Variants in EMSY observed in about 807,000 individuals in gnomAD.
EMSY encodes BRCA2-interacting transcriptional repressor EMSY.
EMSY carries 26 observed loss-of-function variants against 134.6 expected under a neutral mutation model. That is an observed-to-expected ratio of 0.19 (90% CI 0.14 to 0.27). The LOEUF (loss-of-function observed/expected upper bound fraction) is 0.27, where lower values mean the gene tolerates loss of function less well. Among genes scored for constraint, EMSY ranks in the 10% least tolerant of loss-of-function variants. The pLI, the probability that EMSY is intolerant of heterozygous loss-of-function variation, is 1.00. For missense variants in EMSY, 1,305 were observed against 1,611.4 expected (o/e 0.81, Z 3.26); for synonymous variants, 579 against 577.8 (o/e 1.00, Z -0.03).
At chr11:76,542,011 T>C (rs911393748) in intron 17 of EMSY, 2 of 633,794 alleles carry the variant, frequency 3.2e-6, no homozygotes, top group East Asian at 2.7e-5. Context: ...ATTTTGCAGA[T>C]GAGGAAACAG....
intron 9 of EMSY, among the ~76,000 whole-genome samples, chr11:76,504,200 A>C (rs1027902025): frequency 2.6e-5 from 4 of 151,856 alleles, no homozygotes; most frequent in African/African-American, 9.6e-5. Context: ...CATTCCCACC[A>C]GCAAATATAA....
At chr11:76,542,753 G>GTTTTTTTT (rs1555077830) in intron 18 of EMSY, among the ~76,000 whole-genome samples, 12 of 109,216 alleles carry the variant, frequency 1.1e-4, no homozygotes, top group East Asian at 2.7e-4. Flanking sequence ...TTCGTTTTTT[G>GTTTTTTTT]TTTTTTTTTT....
exon 8 of EMSY, chr11:76,472,640 T>G (rs1948619214): frequency 6.2e-7 from 1 of 1,614,056 alleles, no homozygotes; most frequent in African/African-American, 1.3e-5. Context: ...TATGCAGCAG[T>G]CACTAAGCTT....
At chr11:76,480,433 G>A (rs1948925610) in intron 8 of EMSY, among the ~76,000 whole-genome samples, 1 of 152,178 alleles carries the variant, frequency 6.6e-6, no homozygotes, top group South Asian at 2.1e-4. Flanking sequence ...CAGGGCAGCT[G>A]GACTGTGCAA....
exon 20 of EMSY, chr11:76,546,049 G>A (rs1410044554): frequency 1.2e-6 from 2 of 1,614,162 alleles, no homozygotes; most frequent in Admixed American, 1.7e-5. Flanking sequence ...GAAGGCTCTT[G>A]CCACTAGCAT....
At chr11:76,459,834 A>G in intron 5 of EMSY, 99 bp from the exon 7 acceptor site, 3 of 1,403,344 alleles carry the variant, frequency 2.1e-6, no homozygotes, top group East Asian at 2.3e-5. Context: ...TTCTGATCAC[A>G]TGAAAATGTT....
At chr11:76,530,116 A>G (rs1184693513) in intron 14 of EMSY, among the ~76,000 whole-genome samples, 1 of 149,154 alleles carries the variant, frequency 6.7e-6, no homozygotes, top group Non-Finnish European at 1.5e-5. Flanking sequence ...ACCAATTAGT[A>G]CTTCCCAAAC....
chr11:76,542,418 A>G (rs1951473317), intron 18 of EMSY, 51 bp downstream of exon 19: 1 of 1,573,172 alleles, frequency 6.4e-7, no homozygotes, highest in Admixed American at 1.7e-5. Context: ...CATGCTTGAA[A>G]TAAGATTCAG....
chr11:76,489,739 A>G (rs1044108004), intron 8 of EMSY, among the ~76,000 whole-genome samples: 3 of 151,646 alleles, frequency 2.0e-5, no homozygotes, highest in Admixed American at 6.6e-5. Context: ...TGAGTAGCTC[A>G]GATTATGGGC....
intron 20 of EMSY, among the ~76,000 whole-genome samples, chr11:76,546,667 CAAA>C (rs1030543889): frequency 2.3e-4 from 35 of 152,046 alleles, no homozygotes; most frequent in African/African-American, 8.5e-4. Context: ...AATTTTTGCT[CAAA>C]AAATTCTGGA....
In EMSY at chr11:76,518,701, A is replaced by AT. The variant is rs1254003029; in HGVS notation, c.1684+2390dup. On this transcript the variant is annotated intron_variant, in intron 11 of 20. Transcript: ENST00000334736. ...TGTGCGCGCATATATATATATATATATATTTTTTTTTTAATTGGGATCTAA... is the reference window on the plus strand; with the variant it reads ...TGTGCGCGCATATATATATATATATATTATTTTTTTTTTAATTGGGATCTAA... Among the ~76,000 whole-genome samples, 156 of 120,480 alleles carry AT rather than the reference A, an allele frequency of 1.3e-3. 3 individuals are homozygous for AT. Among genetic ancestry groups the AT allele is most frequent in the African/African-American group, 4.6e-3 (140 of 30,382 alleles). The allele number at this position is 120,480 out of a possible 152,430, so 79.0% of individuals were successfully genotyped here.
chr11:76,469,301 CT>C (rs924951766), intron 7 of EMSY, among the ~76,000 whole-genome samples: 24 of 152,278 alleles, frequency 1.6e-4, no homozygotes, highest in African/African-American at 5.5e-4. Flanking sequence ...GAATTCTTAT[CT>C]GGGCCTCAAA....
intron 5 of EMSY, chr11:76,459,627 G>A (rs970156820): frequency 5.4e-5 from 14 of 258,280 alleles, no homozygotes; most frequent in Non-Finnish European, 9.0e-5. Flanking sequence ...CTCCTGCCAT[G>A]AGTGAAAATT....
chr11:76,515,723 T>C (rs936202663), intron 10 of EMSY, among the ~76,000 whole-genome samples: 1 of 152,152 alleles, frequency 6.6e-6, no homozygotes, highest in African/African-American at 2.4e-5. Context: ...AATGCCAACA[T>C]TGGGTTTGGC....
chr11:76,473,721 G>A (rs1432552507), intron 8 of EMSY, among the ~76,000 whole-genome samples: 2 of 152,128 alleles, frequency 1.3e-5, no homozygotes, highest in African/African-American at 4.8e-5. Flanking sequence ...CGGGCACAGT[G>A]GCTCACGCCT....
At chr11:76,521,988 C>T (rs1302963712) in intron 11 of EMSY, among the ~76,000 whole-genome samples, 1 of 151,972 alleles carries the variant, frequency 6.6e-6, no homozygotes, top group Admixed American at 6.6e-5. Flanking sequence ...TGCTCCACTC[C>T]ACTCCCGTCT....
At chr11:76,552,105 A>C (rs1003998200), downstream of EMSY, 1 of 152,196 alleles carries the variant, frequency 6.6e-6, no homozygotes, top group Non-Finnish European at 1.5e-5. Context: ...AGAAATTATC[A>C]AGTGAAATTT....
chr11:76,488,015 T>C (rs953134714), intron 8 of EMSY, among the ~76,000 whole-genome samples: 3 of 152,262 alleles, frequency 2.0e-5, no homozygotes, highest in Non-Finnish European at 2.9e-5. Flanking sequence ...TTCTTTGAAC[T>C]TCATATTTCT....
intron 8 of EMSY, among the ~76,000 whole-genome samples, chr11:76,484,827 G>A (rs570678030): frequency 3.3e-5 from 5 of 152,008 alleles, no homozygotes; most frequent in South Asian, 2.1e-4. Context: ...CCTGCTACTC[G>A]GGAGGCTGAG....
Sources: allele counts gnomAD v4.1 joint callset (sites outside exome capture counted in the v4.1 genomes callset), GRCh38; gene constraint gnomAD v4.1.1; transcripts MANE v1.5; gene names NCBI Gene and HGNC (gene_info 2026-07-23, HGNC 2026-07-21).